KALRN: variants seen among roughly 807,000 people sequenced by gnomAD.
KALRN encodes the protein kalirin.
In KALRN, 70 loss-of-function variants were observed where a neutral mutation model predicts 353.7. The ratio of observed to expected loss-of-function variants is 0.20; its 90% CI spans 0.16 to 0.24. The LOEUF (loss-of-function observed/expected upper bound fraction) is 0.24. Among genes scored for constraint, KALRN ranks in the 10% least tolerant of loss-of-function variants. The pLI is 1.00. For synonymous variants in KALRN, 1,391 were observed against 1,434.8 expected (o/e 0.97, Z 0.69); for missense variants, 2,791 against 3,756.7 (o/e 0.74, Z 6.72).
At chr3:124,175,287 G>A (rs1481528387) in intron 1 of KALRN, among the ~76,000 whole-genome samples, 1 of 152,276 alleles carries the variant, frequency 6.6e-6, no homozygotes, top group Non-Finnish European at 1.5e-5. Context: ...CTAGCGCTGT[G>A]TGCACTGCCT....
Position 124,707,282 on chromosome 3 carries a change from G to A in KALRN, c.8075+5166G>A, listed in dbSNP as rs148561218. On this transcript the variant is annotated intron_variant, in intron 57 of 59. Transcript: ENST00000682506. The stretch of plus-strand genomic sequence containing the variant: ...TGCTTGAGCCTGGGAGGTCGAGATC[G>A]CACCACTGCATTCCAGCCTGGGCAA... Among the ~76,000 whole-genome samples the A allele has an allele frequency of 8.5e-4, 130 of 152,246 alleles. 2 individuals are homozygous for A. In the East Asian group the frequency reaches 0.021, roughly 24 times the overall value.
chr3:124,450,099 T>C (rs1486766499), intron 21 of KALRN, among the ~76,000 whole-genome samples: 1 of 152,200 alleles, frequency 6.6e-6, no homozygotes, highest in Non-Finnish European at 1.5e-5. Context: ...TTCTACTATG[T>C]TTAACTTTTT....
chr3:124,607,784 T>C (rs1404831887), intron 34 of KALRN, among the ~76,000 whole-genome samples: 1 of 151,794 alleles, frequency 6.6e-6, no homozygotes. Context: ...GCCTGGCTAA[T>C]TTTGTATTTT....
At chr3:124,664,852 A>G (rs2085423056) in intron 45 of KALRN, among the ~76,000 whole-genome samples, 1 of 152,230 alleles carries the variant, frequency 6.6e-6, no homozygotes, top group Non-Finnish European at 1.5e-5. Flanking sequence ...GCTTGAGAGA[A>G]GTTAGAGCCT....
At chr3:124,376,996 G>A (rs1201357381) in intron 10 of KALRN, among the ~76,000 whole-genome samples, 2 of 151,896 alleles carry the variant, frequency 1.3e-5, no homozygotes, top group Non-Finnish European at 2.9e-5. Flanking sequence ...AAGAATGAAT[G>A]TAATTCAAAG....
intron 21 of KALRN, among the ~76,000 whole-genome samples, chr3:124,447,535 G>T (rs1214171392): frequency 6.6e-6 from 1 of 152,184 alleles, no homozygotes; most frequent in African/African-American, 2.4e-5. Flanking sequence ...ATGAAAATCT[G>T]ATCTGTCTCA....
In KALRN at chr3:124,562,884, C is replaced by T; in HGVS notation, c.4977C>T (p.Phe1659=). 1 of 1,367,572 alleles carries T rather than the reference C, an allele frequency of 7.3e-7. No homozygotes were observed. Among genetic ancestry groups the T allele is most frequent in the South Asian group, 1.1e-5 (1 of 87,954 alleles). 84.7% of individuals were successfully genotyped at this position (1,367,572 alleles called of 1,614,324 possible). Residue 1659 remains phenylalanine, a synonymous_variant, in exon 34 of 60, where the codon TTC becomes TTT. Transcript: ENST00000682506. ...GCELTVVLQD[F]SAGHSSELTI... ...AGCTGACAGTGGTCCTCCAGGACTT[C>T]AGTGCGGGCCACAGCAGTGAGCTGA...
chr3:124,303,306 T>C (rs1361905850), intron 6 of KALRN, among the ~76,000 whole-genome samples: 1 of 152,222 alleles, frequency 6.6e-6, no homozygotes, highest in Non-Finnish European at 1.5e-5. Context: ...ATAGTAATAA[T>C]AACAACAACC....
At position 124,555,338 on chromosome 3, in the gene KALRN, C is replaced by T. The variant is rs1315526800; in HGVS notation, c.4936-7505C>T. 2.6e-5 allele frequency among the ~76,000 whole-genome samples: 4 copies of T among 151,924 alleles called. No homozygotes were observed. The East Asian group carries it at 5.8e-4, about 22-fold the overall frequency. ...CGAGGTCAGGAGAATGGCGTGCACC[C>T]GGAAGGCAGAGCTTGCAGTGAGCGG... On this transcript the variant is annotated intron_variant, in intron 33 of 59. Coordinates refer to ENST00000682506, the MANE Select transcript of KALRN (RefSeq NM_001388419.1).
At chr3:124,494,769 G>T (rs1204798258) in intron 32 of KALRN, among the ~76,000 whole-genome samples, 2 of 152,198 alleles carry the variant, frequency 1.3e-5, no homozygotes, top group East Asian at 3.8e-4. Context: ...ACATACACCA[G>T]AGTGCAATCA....
intron 32 of KALRN, among the ~76,000 whole-genome samples, chr3:124,495,929 A>G (rs1171504133): frequency 4.0e-5 from 5 of 123,766 alleles, no homozygotes; most frequent in Non-Finnish European, 8.4e-5. Context: ...ACTGCCTCTT[A>G]CAGACCCGTT....
chr3:124,046,105 G>A (rs1008037373), intron 1 of KALRN, among the ~76,000 whole-genome samples: 2 of 152,138 alleles, frequency 1.3e-5, no homozygotes, highest in African/African-American at 4.8e-5. Context: ...GCAGTTTTAT[G>A]CATGTATATT....
At chr3:124,130,845 T>C (rs963802922) in intron 1 of KALRN, among the ~76,000 whole-genome samples, 11 of 152,156 alleles carry the variant, frequency 7.2e-5, no homozygotes, top group Non-Finnish European at 1.3e-4. Context: ...AGAAGCATCT[T>C]AGAAGATTGC....
intron 15 of KALRN, among the ~76,000 whole-genome samples, chr3:124,426,513 C>T (rs186947552): frequency 6.6e-6 from 1 of 152,204 alleles, no homozygotes; most frequent in East Asian, 1.9e-4. Flanking sequence ...TTATATTAAA[C>T]TGAAGTACTG....
At chr3:124,642,668 A>G (rs1033995971) in intron 37 of KALRN, among the ~76,000 whole-genome samples, 2 of 152,238 alleles carry the variant, frequency 1.3e-5, no homozygotes, top group East Asian at 1.9e-4. Context: ...TGTTTTGTCA[A>G]TAGCCGGGTG....
chr3:124,066,734 T>C (rs772249081), intron 1 of KALRN, among the ~76,000 whole-genome samples: 2 of 152,166 alleles, frequency 1.3e-5, no homozygotes, highest in Non-Finnish European at 2.9e-5. Flanking sequence ...GGAGCCTTCA[T>C]ATGATCCATC....
chr3:124,419,554 C>T (rs2092683625), intron 14 of KALRN, among the ~76,000 whole-genome samples: 1 of 151,978 alleles, frequency 6.6e-6, no homozygotes, highest in South Asian at 2.1e-4. Flanking sequence ...CTCGTTTGTT[C>T]ATTGATTAGG....
At chr3:124,421,622 A>G (rs945649159) in intron 14 of KALRN, among the ~76,000 whole-genome samples, 1 of 152,170 alleles carries the variant, frequency 6.6e-6, no homozygotes, top group African/African-American at 2.4e-5. Context: ...ACTGTTCCAA[A>G]GCTAGTACAC....
At position 124,712,966 on chromosome 3, in the gene KALRN, C is replaced by T; in HGVS notation, c.8107C>T (p.His2703Tyr). 6.2e-7 allele frequency: 1 copy of T among 1,613,962 alleles called. No individual in the cohort carries two copies. The highest frequency in any genetic ancestry group is 8.5e-7 in the Non-Finnish European group (1 of 1,179,936). The part of the protein sequence containing the change: ...GRFSIVKKCI[H>Y]KATRKDVAVK... ...TTTCTCTATAGTAAAGAAATGCATT[C>T]ACAAAGCTACCCGCAAAGATGTGGC... Residue 2703 changes from histidine to tyrosine, a missense_variant, in exon 58 of 60, where the codon CAC becomes TAC. Transcript: ENST00000682506.
Sources: gnomAD v4.1 joint callset for allele counts (sites outside exome capture counted in the v4.1 genomes callset) on GRCh38, gnomAD v4.1.1 for gene constraint, MANE v1.5 for transcripts, NCBI Gene and HGNC (gene_info 2026-07-23, HGNC 2026-07-21) for gene names.